Variants in PITPNA observed in about 807,000 individuals in gnomAD.
PITPNA encodes phosphatidylinositol transfer protein alpha.
PITPNA carries 13 observed loss-of-function variants against 50.3 expected under a neutral mutation model. That is an observed-to-expected ratio of 0.26 (90% CI 0.17 to 0.41). PITPNA has a LOEUF of 0.41. Among genes scored for constraint, PITPNA ranks in the 10% least tolerant of loss-of-function variants. The pLI is 1.00. For synonymous variants in PITPNA, 120 were observed against 119.6 expected (o/e 1.00, Z -0.02); for missense variants, 207 against 333.4 (o/e 0.62, Z 2.95).
chr17:1,535,151 T>A (rs1335156639), intron 9 of PITPNA, 31 bp downstream of exon 9: 1 of 1,343,942 alleles, frequency 7.4e-7, no homozygotes, highest in Non-Finnish European at 1.1e-6. Flanking sequence ...ACACACGCAG[T>A]CACTGGGAAG....
In PITPNA at chr17:1,538,897, A is replaced by G; in HGVS notation, c.428T>C (p.Ile143Thr). The stretch of plus-strand genomic sequence containing the variant: ...GCTGAGCACTTGGCTTCGATCTGCA[A>G]TGTCTATATATACGGCTTCCACGTG... ...WKHVEAVYID[I>T]ADRSQVLSKD... Residue 143 changes from isoleucine (I) to threonine (T), a missense_variant, in exon 7 of 12, where the codon ATT becomes ACT. Physicochemically the swap from Ile to Thr is moderately conservative, Grantham distance 89. Coordinates refer to ENST00000313486, the MANE Select transcript of PITPNA (RefSeq NM_006224.4). 1 of 1,613,762 alleles carries G rather than the reference A, an allele frequency of 6.2e-7. No individual in the cohort carries two copies. The highest frequency in any genetic ancestry group is 8.5e-7 in the Non-Finnish European group (1 of 1,179,694).
chr17:1,544,840 A>T (rs1395960402), intron 4 of PITPNA, among the ~76,000 whole-genome samples: 2 of 152,158 alleles, frequency 1.3e-5, no homozygotes, highest in Non-Finnish European at 2.9e-5. Context: ...GTACCCACAC[A>T]TGGAGGCTGA....
chr17:1,555,600 A>T (rs958181541), intron 2 of PITPNA, among the ~76,000 whole-genome samples: 23 of 152,060 alleles, frequency 1.5e-4, no homozygotes, highest in African/African-American at 5.6e-4. Context: ...TAAGACATTC[A>T]ACTAAGAAAA....
At chr17:1,547,881 C>G (rs1340859456) in intron 4 of PITPNA, among the ~76,000 whole-genome samples, 2 of 151,990 alleles carry the variant, frequency 1.3e-5, no homozygotes, top group Admixed American at 6.6e-5. Context: ...GTAGTCCCAG[C>G]TACTCGGGAG....
intron 6 of PITPNA, among the ~76,000 whole-genome samples, chr17:1,540,939 C>T (rs745357357): frequency 2.6e-5 from 4 of 152,058 alleles, no homozygotes; most frequent in Non-Finnish European, 5.9e-5. Context: ...CACTCTGTTG[C>T]CCAGGCTGGA....
chr17:1,534,542 A>C (rs577000092), intron 9 of PITPNA, among the ~76,000 whole-genome samples: 5 of 152,202 alleles, frequency 3.3e-5, no homozygotes, highest in African/African-American at 1.2e-4. Flanking sequence ...CCACTGCCAC[A>C]TTTCTTCCTG....
intron 2 of PITPNA, among the ~76,000 whole-genome samples, chr17:1,554,863 T>C (rs1448379456): frequency 6.6e-6 from 1 of 152,150 alleles, no homozygotes; most frequent in Non-Finnish European, 1.5e-5. Flanking sequence ...GAGGAACATA[T>C]GGGTGAAAGC....
At chr17:1,560,285 G>A (rs565632180) in intron 1 of PITPNA, among the ~76,000 whole-genome samples, 43 of 152,348 alleles carry the variant, frequency 2.8e-4, no homozygotes, top group African/African-American at 9.4e-4. Context: ...CAGGGCCACA[G>A]AGGAACTGCC....
At chr17:1,531,799 G>C (rs1332277522) in intron 10 of PITPNA, among the ~76,000 whole-genome samples, 1 of 152,122 alleles carries the variant, frequency 6.6e-6, no homozygotes, top group African/African-American at 2.4e-5. Flanking sequence ...GGGATGCTGA[G>C]TTTTAAAACT....
chr17:1,552,227 G>T (rs1464631420), intron 3 of PITPNA, among the ~76,000 whole-genome samples: 1 of 152,208 alleles, frequency 6.6e-6, no homozygotes, highest in African/African-American at 2.4e-5. Flanking sequence ...GGTTAAAATG[G>T]TGAATTTTAT....
At chr17:1,545,162 C>T (rs2075666553) in intron 4 of PITPNA, among the ~76,000 whole-genome samples, 1 of 152,182 alleles carries the variant, frequency 6.6e-6, no homozygotes, top group Non-Finnish European at 1.5e-5. Flanking sequence ...TCCTCACTTC[C>T]AGCCCATCCC....
In PITPNA at chr17:1,535,417, T is replaced by C. The variant is rs751075600; in HGVS notation, c.534+24A>G. ...CCCACCCACATGCTGCCCAGCCCCCTGGCAGTGAAGGTGTGAATGGTACCT... is the reference window on the plus strand; with the variant it reads ...CCCACCCACATGCTGCCCAGCCCCCCGGCAGTGAAGGTGTGAATGGTACCT... On this transcript the variant is annotated intron_variant, in intron 8 of 11. Transcript: ENST00000313486. 3.1e-6 allele frequency: 5 copies of C among 1,589,752 alleles called. No individual in the cohort carries two copies. In the Admixed American group the frequency reaches 8.3e-5, roughly 27 times the overall value.
chr17:1,543,115 C>T (rs1286294602), intron 4 of PITPNA, 88 bp from the exon 5 acceptor site: 14 of 1,030,550 alleles, frequency 1.4e-5, no homozygotes, highest in East Asian at 5.2e-5. Flanking sequence ...ACAAGGAGGA[C>T]GAATGGCAGA....
At chr17:1,537,329 C>A (rs1199810498) in intron 7 of PITPNA, among the ~76,000 whole-genome samples, 2 of 152,068 alleles carry the variant, frequency 1.3e-5, no homozygotes, top group Non-Finnish European at 2.9e-5. Flanking sequence ...TCCCAAAGTG[C>A]CGGGATTACA....
intron 4 of PITPNA, 21 bp from the exon 5 acceptor site, chr17:1,543,048 G>T: frequency 6.4e-7 from 1 of 1,571,258 alleles, no homozygotes; most frequent in Non-Finnish European, 8.6e-7. Flanking sequence ...GCAAGGACAT[G>T]GAAAGAAGAG....
At chr17:1,535,986 G>A (rs143500411) in intron 7 of PITPNA, 17 of 172,960 alleles carry the variant, frequency 9.8e-5, no homozygotes, top group African/African-American at 3.1e-4. Context: ...CAGAATACCC[G>A]GCTGTCATTC....
At chr17:1,550,783 T>C (rs1413948013) in intron 3 of PITPNA, among the ~76,000 whole-genome samples, 1 of 152,174 alleles carries the variant, frequency 6.6e-6, no homozygotes, top group African/African-American at 2.4e-5. Flanking sequence ...CAGCACGGAC[T>C]TCGTCCTGAA....
intron 2 of PITPNA, among the ~76,000 whole-genome samples, chr17:1,554,012 TGGGTC>T (rs1276463592): frequency 6.6e-6 from 1 of 152,220 alleles, no homozygotes; most frequent in Non-Finnish European, 1.5e-5. Flanking sequence ...TTCCTTTATT[TGGGTC>T]ACATGCCACC....
intron 6 of PITPNA, among the ~76,000 whole-genome samples, chr17:1,540,339 T>C: frequency 6.6e-6 from 1 of 152,230 alleles, no homozygotes; most frequent in Non-Finnish European, 1.5e-5. Flanking sequence ...TAACTCCTCT[T>C]CTTGCTTGTC....
Sources: allele counts gnomAD v4.1 joint callset (sites outside exome capture counted in the v4.1 genomes callset), GRCh38; gene constraint gnomAD v4.1.1; transcripts MANE v1.5; gene names NCBI Gene and HGNC (gene_info 2026-07-23, HGNC 2026-07-21).